The following UST variants were observed in gnomAD, a reference collection of about 807,000 sequenced individuals.
UST encodes the protein chondroitin sulfate 2-O-sulfotransferase.
UST carries 21 observed loss-of-function variants against 45.6 expected under a neutral mutation model. The observed-to-expected ratio is 0.46, with a 90% confidence interval of 0.33 to 0.66. The LOEUF (loss-of-function observed/expected upper bound fraction) is 0.66. UST is among the 30% of genes least tolerant of loss of function. The pLI is 0.02. For synonymous variants in UST, 215 were observed against 200.6 expected, an observed-to-expected ratio of 1.07 and a Z score of -0.61; for missense variants, 463 against 512.4, an observed-to-expected ratio of 0.90 and a Z score of 0.93.
intron 7 of UST, among the ~76,000 whole-genome samples, chr6:149,061,458 G>A (rs149924191): frequency 3.3e-5 from 5 of 152,374 alleles, no homozygotes; most frequent in African/African-American, 1.2e-4. Context: ...ATCTTGGGCA[G>A]TGAGCACATC....
At chr6:148,917,504 C>T (rs1335121364) in intron 2 of UST, among the ~76,000 whole-genome samples, 1 of 152,210 alleles carries the variant, frequency 6.6e-6, no homozygotes, top group Non-Finnish European at 1.5e-5. Flanking sequence ...AATTACGTGG[C>T]GTGCTGTTAA....
chr6:148,782,532 C>T (rs1347050925), intron 1 of UST, among the ~76,000 whole-genome samples: 1 of 152,028 alleles, frequency 6.6e-6, no homozygotes, highest in Admixed American at 6.6e-5. Flanking sequence ...CTCACTGCAA[C>T]CTCCACCTCC....
At position 148,894,825 on chromosome 6, in the gene UST, T is replaced by TTTTC. The variant is rs1428412871; in HGVS notation, c.291+7799_291+7800insCTTT. Among the ~76,000 whole-genome samples the TTTTC allele has an allele frequency of 1.9e-4, 23 of 118,152 alleles. 1 individual carries two copies. Among genetic ancestry groups the TTTTC allele is most frequent in the East Asian group, 7.3e-4 (3 of 4,116 alleles). 77.5% of individuals were successfully genotyped at this position (118,152 alleles called of 152,430 possible). A position where few individuals can be genotyped will look rare whatever the true frequency, so the allele number is the denominator to read the frequency against. On this transcript the variant is annotated intron_variant, in intron 2 of 7. Transcript: ENST00000367463. ...GGATAATTTCAGTGCTTTTTTTTTT[T>TTTTC]TTTTTTTTTTTGAGATGGAGTCTCG... is the stretch of plus-strand genomic sequence containing the variant.
chr6:149,013,107 A>T (rs187525662), intron 5 of UST, among the ~76,000 whole-genome samples: 17 of 152,372 alleles, frequency 1.1e-4, no homozygotes, highest in African/African-American at 3.8e-4. Context: ...TCTGATACCA[A>T]CCTTGGTGGT....
chr6:149,006,869 TC>T (rs1775712519), intron 5 of UST, among the ~76,000 whole-genome samples: 1 of 152,216 alleles, frequency 6.6e-6, no homozygotes, highest in African/African-American at 2.4e-5. Flanking sequence ...TTTGCATTTT[TC>T]CCACTTTCCA....
At position 149,022,540 on chromosome 6, in the gene UST, C is replaced by T. The variant is rs1775994726; in HGVS notation, c.937+1059C>T. ...GCTTGAACCTGGGAGGTGGAGGTTG[C>T]AGTGAGCCAAGATCGCGCCACTGCA... On this transcript the variant is annotated intron_variant, in intron 7 of 7. Transcript: ENST00000367463. Among the ~76,000 whole-genome samples the T allele has an allele frequency of 2.0e-5, 3 of 152,088 alleles. 1 individual carries two copies. In the South Asian group the frequency reaches 6.2e-4, roughly 32 times the overall value.
At chr6:148,869,322 A>G (rs1778506391) in intron 1 of UST, among the ~76,000 whole-genome samples, 1 of 152,210 alleles carries the variant, frequency 6.6e-6, no homozygotes, top group Non-Finnish European at 1.5e-5. Flanking sequence ...AATCCTATTA[A>G]AGCTGATGTG....
chr6:149,066,094 G>GA (rs1776726466), intron 7 of UST: 1 of 152,698 alleles, frequency 6.5e-6, no homozygotes, highest in Admixed American at 6.5e-5. Context: ...ATCAGAGAGA[G>GA]GTGAGGGTGC....
intron 1 of UST, among the ~76,000 whole-genome samples, chr6:148,753,868 C>A (rs926398924): frequency 6.6e-6 from 1 of 152,106 alleles, no homozygotes; most frequent in African/African-American, 2.4e-5. Flanking sequence ...TTATAGCCAT[C>A]TTAATGGGTA....
chr6:148,880,224 G>A (rs1778799116), intron 1 of UST, among the ~76,000 whole-genome samples: 1 of 151,988 alleles, frequency 6.6e-6, no homozygotes, highest in Admixed American at 6.5e-5. Context: ...CAAAGTGCTG[G>A]GATTATAGGC....
At chr6:148,829,140 G>GGGATGGATGGATGGAT (rs61564934) in intron 1 of UST, among the ~76,000 whole-genome samples, 1 of 149,252 alleles carries the variant, frequency 6.7e-6, no homozygotes, top group Non-Finnish European at 1.5e-5. Context: ...GTTAAGCCCT[G>GGGATGGATGGATGGAT]GGATGGATGG....
intron 5 of UST, among the ~76,000 whole-genome samples, chr6:148,995,561 T>C (rs1781438684): frequency 1.3e-5 from 2 of 152,270 alleles, no homozygotes; most frequent in Admixed American, 6.5e-5. Context: ...CAGCAGGTTA[T>C]AAAATCTTAT....
At chr6:148,955,255 G>A (rs545390596) in intron 4 of UST, among the ~76,000 whole-genome samples, 1 of 152,360 alleles carries the variant, frequency 6.6e-6, no homozygotes, top group East Asian at 1.9e-4. Flanking sequence ...AGGAGCTGCT[G>A]CTCTGGTCCA....
intron 3 of UST, 27 bp downstream of exon 3, chr6:148,941,461 T>G (rs766334002): frequency 1.9e-6 from 3 of 1,573,262 alleles, no homozygotes; most frequent in Non-Finnish European, 1.7e-6. Context: ...CATTGTTAAA[T>G]TGTGTTTTGC....
chr6:148,974,810 A>G (rs1780985394), intron 5 of UST, among the ~76,000 whole-genome samples: 1 of 152,212 alleles, frequency 6.6e-6, no homozygotes, highest in African/African-American at 2.4e-5. Flanking sequence ...TAAAAACACA[A>G]TGGAATTGTA....
chr6:148,884,845 A>G (rs1778885115), intron 1 of UST, among the ~76,000 whole-genome samples: 1 of 152,138 alleles, frequency 6.6e-6, no homozygotes, highest in Admixed American at 6.5e-5. Flanking sequence ...AGCCAATAGG[A>G]CTTGTCTTTG....
Position 148,912,741 on chromosome 6 carries a change from T to A in UST, c.291+25712T>A, listed in dbSNP as rs1196679109. 2.6e-5 allele frequency among the ~76,000 whole-genome samples: 4 copies of A among 152,250 alleles called. No homozygotes were observed. In the East Asian group the frequency reaches 7.7e-4, roughly 29 times the overall value. ...TTTTATCTTGTGATGAAACGCCCTC[T>A]GATGAGCACAGCAGATAGCACTTTT... On this transcript the variant is annotated intron_variant, in intron 2 of 7. Transcript: ENST00000367463.
At position 149,003,545 on chromosome 6, in the gene UST, A is replaced by G. The variant is rs560889149; in HGVS notation, c.682-15594A>G. On this transcript the variant is annotated intron_variant, in intron 5 of 7. Transcript: ENST00000367463. ...TCTTTGTGCTAAGGTTTCTGACATC[A>G]TAGACAGAAGGAAAATGATTGTTAG... Among the ~76,000 whole-genome samples the G allele has an allele frequency of 4.6e-5, 7 of 152,346 alleles. 1 individual carries two copies. In the South Asian group the frequency reaches 6.2e-4, roughly 14 times the overall value.
At chr6:148,996,616 G>A (rs1305402263) in intron 5 of UST, among the ~76,000 whole-genome samples, 1 of 152,132 alleles carries the variant, frequency 6.6e-6, no homozygotes, top group Non-Finnish European at 1.5e-5. Context: ...TTTACCCTGT[G>A]GAATTGATCT....
Sources: gnomAD v4.1 joint callset for allele counts (sites outside exome capture counted in the v4.1 genomes callset) on GRCh38, gnomAD v4.1.1 for gene constraint, MANE v1.5 for transcripts, NCBI Gene and HGNC (gene_info 2026-07-23, HGNC 2026-07-21) for gene names.